The following GRK5 variants were observed in gnomAD, a reference collection of about 807,000 sequenced individuals.
The protein encoded by GRK5 is G protein-coupled receptor kinase 5.
In GRK5, 40 loss-of-function variants were observed where a neutral mutation model predicts 78.4. The ratio of observed to expected loss-of-function variants is 0.51; its 90% CI spans 0.40 to 0.66. GRK5 has a LOEUF of 0.66. Ranked by LOEUF, GRK5 falls within the 30% of genes least tolerant of loss-of-function variation. The probability of loss-of-function intolerance (pLI) is 0.00; values close to 1 mark genes in which losing one functional copy is unlikely to be tolerated. For missense variants in GRK5, 598 were observed against 759.9 expected (o/e 0.79, Z 2.50); for synonymous variants, 289 against 296.8 (o/e 0.97, Z 0.27).
chr10:119,364,699 G>A (rs1346663912), intron 2 of GRK5, among the ~76,000 whole-genome samples: 2 of 152,178 alleles, frequency 1.3e-5, no homozygotes, highest in Non-Finnish European at 2.9e-5. Flanking sequence ...TTCAAAGGCA[G>A]CATACTGCAT....
intron 3 of GRK5, among the ~76,000 whole-genome samples, chr10:119,384,055 G>C (rs17098821): frequency 6.6e-6 from 1 of 152,036 alleles, no homozygotes; most frequent in African/African-American, 2.4e-5. Flanking sequence ...CCTTTTCACC[G>C]TTGGCCTTCC....
intron 4 of GRK5, among the ~76,000 whole-genome samples, chr10:119,416,426 A>T (rs1852454188): frequency 1.3e-5 from 2 of 152,120 alleles, no homozygotes; most frequent in African/African-American, 2.4e-5. Flanking sequence ...ATTTCCCATG[A>T]TCTTCACTAG....
intron 4 of GRK5, among the ~76,000 whole-genome samples, chr10:119,402,262 T>C (rs1184678813): frequency 1.3e-5 from 2 of 152,126 alleles, no homozygotes; most frequent in Non-Finnish European, 2.9e-5. Context: ...TCTCTGGTGC[T>C]GATTAGACAG....
At chr10:119,439,945 GT>G (rs1853000147) in intron 10 of GRK5, among the ~76,000 whole-genome samples, 177 bp downstream of exon 10, 1 of 152,198 alleles carries the variant, frequency 6.6e-6, no homozygotes, top group African/African-American at 2.4e-5. Context: ...GCTCCGCTTG[GT>G]GAACAGGCAG....
chr10:119,431,841 C>A lies in GRK5; in HGVS notation c.738+314C>A, dbSNP rs185136186. Among the ~76,000 whole-genome samples, 586 of 152,298 alleles carry A rather than the reference C, an allele frequency of 3.8e-3. 8 individuals are homozygous for A. The highest frequency in any genetic ancestry group is 0.013 in the African/African-American group (560 of 41,566). ...AGTGGACAAAGAAAGTTCACCTGGG[C>A]CCAGGCTGGGAGCTGTGGGTTCCAC... On this transcript the variant is annotated intron_variant, in intron 8 of 15. Coordinates refer to ENST00000392870, the MANE Select transcript of GRK5 (RefSeq NM_005308.3). This position sits in a 1 kb window ranked among gnomAD's most constrained non-coding sequence, Gnocchi z 4.8.
chr10:119,362,101 T>C (rs1851374934), intron 2 of GRK5, among the ~76,000 whole-genome samples: 1 of 152,146 alleles, frequency 6.6e-6, no homozygotes, highest in South Asian at 2.1e-4. Context: ...GGAATAATAT[T>C]TTAAAGAATA....
intron 1 of GRK5, among the ~76,000 whole-genome samples, chr10:119,222,367 C>T (rs1427574303): frequency 6.6e-6 from 1 of 152,070 alleles, no homozygotes; most frequent in African/African-American, 2.4e-5. Flanking sequence ...GACGCCCCTT[C>T]CTAATCCCCT....
At chr10:119,261,049 T>G (rs1278200896) in intron 1 of GRK5, among the ~76,000 whole-genome samples, 1 of 85,984 alleles carries the variant, frequency 1.2e-5, no homozygotes, top group Non-Finnish European at 2.5e-5. Flanking sequence ...CCCCCCCACC[T>G]CCCTCCCGGA....
chr10:119,283,695 A>G (rs1849800481), intron 1 of GRK5, among the ~76,000 whole-genome samples: 1 of 152,142 alleles, frequency 6.6e-6, no homozygotes, highest in Admixed American at 6.5e-5. Context: ...CTTCCCTGAG[A>G]TCCCAGAGTC....
chr10:119,354,395 C>CTTTTTT (rs60146483), intron 2 of GRK5, among the ~76,000 whole-genome samples: 18 of 87,808 alleles, frequency 2.0e-4, no homozygotes, highest in Non-Finnish European at 2.7e-4. Context: ...CCTACATCTC[C>CTTTTTT]TTTTTTTTTT....
At chr10:119,345,541 T>C (rs1329582441) in intron 2 of GRK5, among the ~76,000 whole-genome samples, 1 of 152,222 alleles carries the variant, frequency 6.6e-6, no homozygotes, top group Non-Finnish European at 1.5e-5. Context: ...TGGTCCTCTG[T>C]TTCTAGCTGG....
intron 1 of GRK5, among the ~76,000 whole-genome samples, chr10:119,318,712 G>C (rs191531518): frequency 6.6e-6 from 1 of 152,004 alleles, no homozygotes; most frequent in East Asian, 1.9e-4. Flanking sequence ...AGCTCAGGTC[G>C]TCCCACTGCC....
intron 1 of GRK5, among the ~76,000 whole-genome samples, chr10:119,323,392 C>T (rs1032819757): frequency 2.0e-5 from 3 of 152,190 alleles, no homozygotes; most frequent in African/African-American, 7.2e-5. Flanking sequence ...GAATGGGGAG[C>T]AGGGGATGGA....
chr10:119,420,360 A>C (rs1852546541), intron 4 of GRK5, among the ~76,000 whole-genome samples: 2 of 151,484 alleles, frequency 1.3e-5, no homozygotes, highest in Admixed American at 1.3e-4. Flanking sequence ...AAACAAAAAA[A>C]AAAAACAAGA....
In GRK5 at chr10:119,431,817, G is replaced by A. The variant is rs2133895895; in HGVS notation, c.738+290G>A. Reference sequence around the variant, plus strand: ...CCTGGACCACTTTGTAAACTCCTCAGTGGACAAAGAAAGTTCACCTGGGCC... The same window carrying A: ...CCTGGACCACTTTGTAAACTCCTCAATGGACAAAGAAAGTTCACCTGGGCC... On this transcript the variant is annotated intron_variant, in intron 8 of 15. Coordinates refer to ENST00000392870, the MANE Select transcript of GRK5 (RefSeq NM_005308.3). The surrounding 1 kb of genome is among the most constrained non-coding windows in gnomAD (Gnocchi z 4.8). Among the ~76,000 whole-genome samples, 1 of 152,336 alleles carries A rather than the reference G, an allele frequency of 6.6e-6. No individual in the cohort carries two copies. The highest frequency in any genetic ancestry group is 6.5e-5 in the Admixed American group (1 of 15,310).
intron 2 of GRK5, among the ~76,000 whole-genome samples, chr10:119,362,367 T>G (rs1425437571): frequency 1.3e-5 from 2 of 152,242 alleles, no homozygotes; most frequent in Non-Finnish European, 2.9e-5. Context: ...CTGATGTGGC[T>G]AGGACAAGGG....
chr10:119,247,894 C>G (rs183344808), intron 1 of GRK5, among the ~76,000 whole-genome samples: 22 of 152,194 alleles, frequency 1.4e-4, no homozygotes, highest in Admixed American at 6.5e-4. Context: ...CATGAAAGTC[C>G]CCCCCACCCT....
At chr10:119,341,948 C>T (rs1850989496) in intron 2 of GRK5, among the ~76,000 whole-genome samples, 1 of 152,192 alleles carries the variant, frequency 6.6e-6, no homozygotes, top group South Asian at 2.1e-4. Context: ...GCACCTCCCG[C>T]CAAGGGCAGT....
chr10:119,452,401 G>C lies in GRK5; in HGVS notation c.1405-270G>C. 1 of 425,846 alleles carries C rather than the reference G, an allele frequency of 2.3e-6. No individual in the cohort carries two copies. Among genetic ancestry groups the C allele is most frequent in the South Asian group, 3.5e-5 (1 of 28,912 alleles). 26.4% of individuals were successfully genotyped at this position (425,846 alleles called of 1,614,324 possible). On this transcript the variant is annotated intron_variant, in intron 13 of 15. Coordinates refer to ENST00000392870, the MANE Select transcript of GRK5 (RefSeq NM_005308.3). This position sits in a 1 kb window ranked among gnomAD's most constrained non-coding sequence, Gnocchi z 4.4. Reference sequence around the variant, plus strand: ...CAGGGTCCCCGTCATGGATCTGAGAGAGGGCTGCACTGTCATCTGGAGGGG... The same window carrying C: ...CAGGGTCCCCGTCATGGATCTGAGACAGGGCTGCACTGTCATCTGGAGGGG...
Sources: gnomAD v4.1 joint callset for allele counts (sites outside exome capture counted in the v4.1 genomes callset) on GRCh38, gnomAD v4.1.1 for gene constraint, Gnocchi (gnomAD v3.1) non-coding constraint, MANE v1.5 for transcripts, NCBI Gene and HGNC (gene_info 2026-07-23, HGNC 2026-07-21) for gene names.